Variants in ANKFY1 observed in about 807,000 individuals in gnomAD.
ANKFY1 encodes ankyrin repeat and FYVE domain-containing protein 1.
Under a neutral mutation model 128.3 loss-of-function variants are expected in ANKFY1, and 47 were observed. The observed-to-expected ratio is 0.37, with a 90% confidence interval of 0.29 to 0.47. The LOEUF (loss-of-function observed/expected upper bound fraction) is 0.47. Ranked by LOEUF, ANKFY1 falls within the 20% of genes least tolerant of loss-of-function variation. The pLI is 1.00. For synonymous variants in ANKFY1, 553 were observed against 601.6 expected (o/e 0.92, Z 1.18); for missense variants, 1,222 against 1,510.6 (o/e 0.81, Z 3.17).
chr17:4,193,125 A>G (rs2059747486), intron 10 of ANKFY1, among the ~76,000 whole-genome samples: 1 of 152,256 alleles, frequency 6.6e-6, no homozygotes, highest in Non-Finnish European at 1.5e-5. Flanking sequence ...TTTGAACAGC[A>G]TAATGAACAA....
Position 4,182,190 on chromosome 17 carries a change from T to G in ANKFY1, c.2112A>C (p.Ala704=), listed in dbSNP as rs2059528103. The G allele has an allele frequency of 6.5e-7, 1 of 1,533,566 alleles. No homozygotes were observed. Among genetic ancestry groups the G allele is most frequent in the African/African-American group, 1.4e-5 (1 of 73,428 alleles). The allele number at this position is 1,533,566 out of a possible 1,614,324, so 95.0% of individuals were successfully genotyped here. The change falls in exon 15 of 25, where the codon GCA becomes GCC. Residue 704 remains alanine, a synonymous_variant. Coordinates refer to ENST00000341657, the MANE Select transcript of ANKFY1 (RefSeq NM_001330063.2). The stretch of plus-strand genomic sequence containing the variant: ...GTTGTGCCTGTCTCACCAGAGTGGA[T>G]GCGATGTCCTCCAGATTGTTTGCCA... The part of the protein sequence containing the change: ...LALANNLEDI[A]STLVRHGCDA...
Position 4,217,049 on chromosome 17 carries a change from T to C in ANKFY1, c.392A>G (p.Asp131Gly). 1 of 1,614,060 alleles carries C rather than the reference T, an allele frequency of 6.2e-7. No homozygotes were observed. The highest frequency in any genetic ancestry group is 1.1e-5 in the South Asian group (1 of 91,072). Residue 131 changes from aspartate to glycine, a missense_variant, in exon 4 of 25, where the codon GAT becomes GGT. Transcript: ENST00000341657. Reference sequence around the variant, plus strand: ...CATCAGTTCAGTCAGGAACACATCATCCTCTCTGAACTCCAGCTCATCTGT... The same window carrying C: ...CATCAGTTCAGTCAGGAACACATCACCCTCTCTGAACTCCAGCTCATCTGT... ...IYTDELEFRE[D>G]DVFLTELMKL...
chr17:4,203,585 G>T (rs796529261), intron 7 of ANKFY1, among the ~76,000 whole-genome samples: 54 of 152,166 alleles, frequency 3.5e-4, no homozygotes, highest in African/African-American at 1.2e-3. Context: ...GGAGGCTGAG[G>T]CGGGCGGATC....
intron 22 of ANKFY1, among the ~76,000 whole-genome samples, chr17:4,171,772 A>G (rs1373958784): frequency 1.3e-5 from 2 of 152,184 alleles, no homozygotes; most frequent in South Asian, 2.1e-4. Context: ...TCTCAAGACC[A>G]AGAGAAAAAT....
chr17:4,214,601 C>T (rs902018360), intron 4 of ANKFY1, among the ~76,000 whole-genome samples: 1 of 150,734 alleles, frequency 6.6e-6, no homozygotes, highest in African/African-American at 2.4e-5. Flanking sequence ...TCCAGGCTCA[C>T]CACAACCTCC....
rs939549601 is a variant in ANKFY1, at chr17:4,169,797, G to T, written c.3287-509C>A. On this transcript the variant is annotated intron_variant, in intron 23 of 24. Transcript: ENST00000341657. The surrounding 1 kb of genome is among the most constrained non-coding windows in gnomAD (Gnocchi z 5.0). ...GGACCATGGGCAGAGCAACCTATGA[G>T]AAAGAACTAAGTTTTCACATCTAGT... is the stretch of plus-strand genomic sequence containing the variant. Among the ~76,000 whole-genome samples the T allele has an allele frequency of 2.0e-5, 3 of 152,190 alleles. No individual in the cohort carries two copies. The highest frequency in any genetic ancestry group is 7.2e-5 in the African/African-American group (3 of 41,442).
At position 4,165,217 on chromosome 17, in the gene ANKFY1, A is replaced by G. The variant is rs1163038208; in HGVS notation, c.*2562T>C. 1 of 152,254 alleles carries G rather than the reference A, an allele frequency of 6.6e-6. No homozygotes were observed. Among genetic ancestry groups the G allele is most frequent in the East Asian group, 1.9e-4 (1 of 5,198 alleles). The allele number at this position is 152,254 out of a possible 1,614,324, so 9.4% of individuals were successfully genotyped here. ...AAAGACTGTTAGGAATACACTGGATAATAAATCTGGCGATGAGCAAAGGGC... is the reference window on the plus strand; with the variant it reads ...AAAGACTGTTAGGAATACACTGGATGATAAATCTGGCGATGAGCAAAGGGC... On this transcript the variant is annotated 3_prime_UTR_variant, in exon 25 of 25. Transcript: ENST00000341657.
chr17:4,242,114 C>T (rs1046740689), intron 2 of ANKFY1, 142 bp downstream of exon 2: 1 of 810,738 alleles, frequency 1.2e-6, no homozygotes, highest in Non-Finnish European at 1.8e-6. Context: ...AATCTTGCCT[C>T]AAGGAGCTTC....
chr17:4,236,444 T>C (rs1194693715), intron 2 of ANKFY1, among the ~76,000 whole-genome samples: 1 of 152,250 alleles, frequency 6.6e-6, no homozygotes, highest in Non-Finnish European at 1.5e-5. Flanking sequence ...TGACCATTTT[T>C]TACTCAACTA....
In ANKFY1 at chr17:4,169,009, C is replaced by T; in HGVS notation, c.3377+189G>A. ...AGGAAAGCCACCCGTCTGCAGGCTCCCTGCCTTCCCTACATCTCTGTTCCT... is the reference window on the plus strand; with the variant it reads ...AGGAAAGCCACCCGTCTGCAGGCTCTCTGCCTTCCCTACATCTCTGTTCCT... On this transcript the variant is annotated intron_variant, in intron 24 of 24. Transcript: ENST00000341657. The surrounding 1 kb of genome is among the most constrained non-coding windows in gnomAD (Gnocchi z 5.0). The T allele has an allele frequency of 1.8e-6, 1 of 557,862 alleles. No individual in the cohort carries two copies. Among genetic ancestry groups the T allele is most frequent in the Non-Finnish European group, 3.2e-6 (1 of 310,448 alleles). The allele number at this position is 557,862 out of a possible 1,614,324, so 34.6% of individuals were successfully genotyped here. A position where few individuals can be genotyped will look rare whatever the true frequency, so the allele number is the denominator to read the frequency against.
intron 16 of ANKFY1, chr17:4,180,572 G>C (rs2059492514): frequency 6.6e-6 from 1 of 151,730 alleles, no homozygotes; most frequent in African/African-American, 2.4e-5. Flanking sequence ...GACCATCCTG[G>C]CTAACATGGT....
intron 3 of ANKFY1, among the ~76,000 whole-genome samples, chr17:4,226,412 A>G (rs1362136866): frequency 6.6e-6 from 1 of 152,220 alleles, no homozygotes; most frequent in Non-Finnish European, 1.5e-5. Flanking sequence ...TTATAGTCCC[A>G]GCTACTAAAA....
At chr17:4,243,130 G>A (rs528737448) in intron 1 of ANKFY1, among the ~76,000 whole-genome samples, 1 of 152,124 alleles carries the variant, frequency 6.6e-6, no homozygotes, top group South Asian at 2.1e-4. Flanking sequence ...GCAGTGGTGC[G>A]ATCTGGGCTC....
rs546417006 is a variant in ANKFY1 at position 4,197,675 on chromosome 17, C to T, written c.899-98G>A. 9 of 1,126,168 alleles carry T rather than the reference C, an allele frequency of 8.0e-6. No homozygotes were observed. The African/African-American group carries it at 1.2e-4, about 15-fold the overall frequency. The allele number at this position is 1,126,168 out of a possible 1,614,324, so 69.8% of individuals were successfully genotyped here. A position where few individuals can be genotyped will look rare whatever the true frequency, so the allele number is the denominator to read the frequency against. On this transcript the variant is annotated intron_variant, in intron 7 of 24. Transcript: ENST00000341657. Reference sequence around the variant, plus strand: ...GAAAATGACTGCAGACAAAGGAGAGCGATAACTAGATGTGTCTGAAGGAAC... The same window carrying T: ...GAAAATGACTGCAGACAAAGGAGAGTGATAACTAGATGTGTCTGAAGGAAC...
intron 3 of ANKFY1, among the ~76,000 whole-genome samples, chr17:4,235,549 C>T (rs1598123482): frequency 2.6e-5 from 4 of 152,034 alleles, no homozygotes; most frequent in South Asian, 4.2e-4. Flanking sequence ...CAAATATTTA[C>T]GATTTGTTAG....
In ANKFY1 at chr17:4,173,702, G is replaced by A. The variant is rs112169510; in HGVS notation, c.2923+207C>T. On this transcript the variant is annotated intron_variant, in intron 20 of 24. Coordinates refer to ENST00000341657, the MANE Select transcript of ANKFY1 (RefSeq NM_001330063.2). ...TAACAGTTTCCCAAGGAGGCAGTGT[G>A]GGCTTCCAGGGCTCCCACTCAGATG... is the stretch of plus-strand genomic sequence containing the variant. Among the ~76,000 whole-genome samples the A allele has an allele frequency of 0.047, 7,127 of 152,268 alleles. 349 individuals carry two copies. Among genetic ancestry groups the A allele is most frequent in the African/African-American group, 0.12 (5,138 of 41,528 alleles).
At chr17:4,182,142 C>G in intron 15 of ANKFY1, 39 bp downstream of exon 15, 3 of 1,423,128 alleles carry the variant, frequency 2.1e-6, no homozygotes, top group Non-Finnish European at 2.8e-6. Context: ...ACAACATATC[C>G]CCATCTGTAA....
At chr17:4,205,538 C>G (rs565378880) in intron 7 of ANKFY1, among the ~76,000 whole-genome samples, 4 of 152,022 alleles carry the variant, frequency 2.6e-5, no homozygotes, top group African/African-American at 9.7e-5. Context: ...GTCAGGAGAT[C>G]GAGACCATCC....
intron 2 of ANKFY1, 149 bp downstream of exon 2, chr17:4,242,107 C>A (rs1567972523): frequency 7.6e-6 from 5 of 654,088 alleles, no homozygotes; most frequent in South Asian, 3.8e-5. Context: ...AAAAAAAAAT[C>A]TTGCCTCAAG....
Sources: allele counts gnomAD v4.1 joint callset (sites outside exome capture counted in the v4.1 genomes callset), GRCh38; gene constraint gnomAD v4.1.1; non-coding constraint Gnocchi (gnomAD v3.1); transcripts MANE v1.5; gene names NCBI Gene and HGNC (gene_info 2026-07-23, HGNC 2026-07-21).